The following ADGRF1 variants were observed in gnomAD, a reference collection of about 807,000 sequenced individuals.
The protein encoded by ADGRF1 is G protein-coupled receptor 110.
In ADGRF1, 85 loss-of-function variants were observed where a neutral mutation model predicts 87.2. The ratio of observed to expected loss-of-function variants is 0.97; its 90% CI spans 0.82 to 1.17. The LOEUF (loss-of-function observed/expected upper bound fraction) is 1.17. ADGRF1 is among the 50% of genes most tolerant of loss of function. The pLI, the probability that ADGRF1 is intolerant of heterozygous loss-of-function variation, is 0.00. For synonymous variants in ADGRF1, 430 were observed against 408.8 expected (o/e 1.05, Z -0.63); for missense variants, 1,169 against 1,077.2 (o/e 1.09, Z -1.19).
chr6:47,029,182 G>C (rs1382809097), intron 1 of ADGRF1, 78 bp from the exon 2 acceptor site: 1 of 778,676 alleles, frequency 1.3e-6, no homozygotes, highest in Non-Finnish European at 2.2e-6. Context: ...TGCACAAAGT[G>C]GTAAGGCCTC....
At chr6:47,017,428 G>C (rs1206576715) in intron 7 of ADGRF1, 1 of 152,260 alleles carries the variant, frequency 6.6e-6, no homozygotes, top group Non-Finnish European at 1.5e-5. Flanking sequence ...GAAAGAGCTG[G>C]TGGTGGCTTG....
intron 9 of ADGRF1, chr6:47,013,370 A>C (rs1779765747): frequency 2.0e-6 from 2 of 984,974 alleles, no homozygotes; most frequent in Admixed American, 1.2e-4. Flanking sequence ...CCCAGTTTAC[A>C]GATGAGGAAA....
Position 47,009,912 on chromosome 6 carries a change from G to A in ADGRF1, c.1523C>T (p.Thr508Met), listed in dbSNP as rs748429245. 1.5e-5 allele frequency: 24 copies of A among 1,614,132 alleles called. No homozygotes were observed. The highest frequency in any genetic ancestry group is 4.5e-5 in the East Asian group (2 of 44,878). The change falls in exon 11 of 15, where the codon ACG becomes ATG. Residue 508 changes from threonine (T) to methionine (M), a missense_variant. Physicochemically the swap from Thr to Met is moderately conservative, Grantham distance 81. Transcript: ENST00000371253. ...ATTTATGGAATAGTTTTGAATAACC[G>A]TGGATATCACAGGTCCATTGACCTG... ...NAQVNGPVIS[T>M]VIQNYSINEV...
rs370283801 is a variant in ADGRF1, at chr6:47,004,857, G to A, written c.2592+960C>T. Among the ~76,000 whole-genome samples, 130 of 152,302 alleles carry A rather than the reference G, an allele frequency of 8.5e-4. 6 individuals are homozygous for A. In the South Asian group the frequency reaches 0.024, roughly 28 times the overall value. On this transcript the variant is annotated intron_variant, in intron 13 of 14. Coordinates refer to ENST00000371253, the MANE Select transcript of ADGRF1 (RefSeq NM_153840.4). ...CTTTCCTAAGATCACACAGTCAATTGGTTACGGAGTCAGAAATACAAGGGC... is the reference window on the plus strand; with the variant it reads ...CTTTCCTAAGATCACACAGTCAATTAGTTACGGAGTCAGAAATACAAGGGC...
intron 8 of ADGRF1, 150 bp from the exon 9 acceptor site, chr6:47,014,994 T>C: frequency 8.6e-7 from 1 of 1,156,510 alleles, no homozygotes; most frequent in Non-Finnish European, 1.2e-6. Flanking sequence ...TTGTCTTTGA[T>C]GTCCTGCTTC....
In ADGRF1 at chr6:47,012,157, A is replaced by G; in HGVS notation, c.966T>C (p.Ala322=). ...AAAGATTTTGCACGAAGGATGACACAGCTGCCTCAGTGGCATTGCCTACAA... is the reference window on the plus strand; with the variant it reads ...AAAGATTTTGCACGAAGGATGACACGGCTGCCTCAGTGGCATTGCCTACAA... ...SMIVGNATEA[A]VSSFVQNLSV... is the part of the protein sequence containing the mutation. The change falls in exon 10 of 15, where the codon GCT becomes GCC. Residue 322 remains alanine (A), a synonymous_variant. Coordinates refer to ENST00000371253, the MANE Select transcript of ADGRF1 (RefSeq NM_153840.4). The G allele has an allele frequency of 6.2e-7, 1 of 1,613,894 alleles. No individual in the cohort carries two copies.
intron 7 of ADGRF1, chr6:47,020,485 C>G (rs1561873849): frequency 1.4e-6 from 2 of 1,456,602 alleles, no homozygotes; most frequent in African/African-American, 1.5e-5. Flanking sequence ...ACTTGGGCGA[C>G]AAGAGTGACA....
At chr6:47,030,373 G>A (rs2113904484) in intron 1 of ADGRF1, among the ~76,000 whole-genome samples, 1 of 152,216 alleles carries the variant, frequency 6.6e-6, no homozygotes, top group African/African-American at 2.4e-5. Context: ...AAAATCTATT[G>A]CTTTAAAATT....
At chr6:47,032,278 C>CT (rs1185243368) in intron 1 of ADGRF1, among the ~76,000 whole-genome samples, 2 of 152,176 alleles carry the variant, frequency 1.3e-5, no homozygotes, top group East Asian at 3.8e-4. Flanking sequence ...GCGAATCAAA[C>CT]TTTTTTTCTT....
intron 14 of ADGRF1, 48 bp downstream of exon 14, chr6:47,001,453 T>C: frequency 1.4e-6 from 2 of 1,467,474 alleles, no homozygotes; most frequent in East Asian, 2.3e-5. Context: ...GATATACTCA[T>C]ATACTCTTTT....
At chr6:47,012,689 T>C (rs1180023166) in intron 9 of ADGRF1, 3 of 985,472 alleles carry the variant, frequency 3.0e-6, no homozygotes, top group Non-Finnish European at 3.6e-6. Context: ...TGAGAATGCG[T>C]TGTAAGATGG....
rs1184913823 is a variant in ADGRF1, at chr6:47,021,991, T to C, written c.519A>G (p.Ile173Met). The change falls in exon 6 of 15, where the codon ATA (isoleucine) becomes ATG (methionine). Residue 173 changes from isoleucine to methionine, a missense_variant. Coordinates refer to ENST00000371253, the MANE Select transcript of ADGRF1 (RefSeq NM_153840.4). ...TNDLLNSSSA[I>M]YSKYANGIEI... The stretch of plus-strand genomic sequence containing the variant: ...CAATTCCATTTGCATATTTGGAGTA[T>C]ATAGCAGAAGATGAATTCAAAAGGT... 1 of 1,592,072 alleles carries C rather than the reference T, an allele frequency of 6.3e-7. No individual in the cohort carries two copies. Among genetic ancestry groups the C allele is most frequent in the Non-Finnish European group, 8.6e-7 (1 of 1,169,418 alleles).
intron 4 of ADGRF1, among the ~76,000 whole-genome samples, chr6:47,024,721 A>C (rs903890162): frequency 2.6e-5 from 4 of 152,220 alleles, no homozygotes; most frequent in African/African-American, 9.6e-5. Context: ...ATAATGGTTA[A>C]TATTTCTCAC....
At chr6:47,038,676 A>C (rs1780659305) in intron 1 of ADGRF1, among the ~76,000 whole-genome samples, 1 of 152,190 alleles carries the variant, frequency 6.6e-6, no homozygotes, top group Non-Finnish European at 1.5e-5. Flanking sequence ...AGAACACTAG[A>C]ATTTATTCCC....
chr6:47,028,905 G>A lies in ADGRF1; in HGVS notation c.69+88C>T, dbSNP rs529590159. On this transcript the variant is annotated intron_variant, in intron 2 of 14. Coordinates refer to ENST00000371253, the MANE Select transcript of ADGRF1 (RefSeq NM_153840.4). Reference sequence around the variant, plus strand: ...AAGTACATTAAATTATGCAGTTGCAGTCCCCTAGAGAGTGAGGGGTTCTAA... The same window carrying A: ...AAGTACATTAAATTATGCAGTTGCAATCCCCTAGAGAGTGAGGGGTTCTAA... The A allele has an allele frequency of 4.2e-5, 40 of 962,534 alleles. No individual in the cohort carries two copies. In the South Asian group the frequency reaches 5.1e-4, roughly 12 times the overall value. The allele number at this position is 962,534 out of a possible 1,614,324, so 59.6% of individuals were successfully genotyped here. A position where few individuals can be genotyped will look rare whatever the true frequency, so the allele number is the denominator to read the frequency against.
At chr6:47,021,183 C>T (rs1295039362) in intron 6 of ADGRF1, among the ~76,000 whole-genome samples, 2 of 152,096 alleles carry the variant, frequency 1.3e-5, no homozygotes, top group African/African-American at 2.4e-5. Context: ...AGTATTTGCT[C>T]GGGTCTTCAG....
intron 13 of ADGRF1, among the ~76,000 whole-genome samples, chr6:47,004,586 G>A (rs1779462485): frequency 6.6e-6 from 1 of 152,088 alleles, no homozygotes. Flanking sequence ...TTTGCAGGGT[G>A]GGGAGTGTCC....
intron 1 of ADGRF1, among the ~76,000 whole-genome samples, chr6:47,036,691 C>A (rs1021065611): frequency 3.9e-5 from 6 of 152,194 alleles, no homozygotes; most frequent in African/African-American, 1.2e-4. Context: ...CCCACTAATT[C>A]TTTATGTTTC....
At chr6:47,024,653 C>T (rs1780170895) in intron 4 of ADGRF1, among the ~76,000 whole-genome samples, 1 of 152,204 alleles carries the variant, frequency 6.6e-6, no homozygotes, top group Non-Finnish European at 1.5e-5. Flanking sequence ...CACATGGAAT[C>T]TGGACCAAGG....
Sources: gnomAD v4.1 joint callset for allele counts (sites outside exome capture counted in the v4.1 genomes callset) on GRCh38, gnomAD v4.1.1 for gene constraint, MANE v1.5 for transcripts, NCBI Gene and HGNC (gene_info 2026-07-23, HGNC 2026-07-21) for gene names.